The following PPEF1 variants were observed in gnomAD, a reference collection of about 807,000 sequenced individuals.
The protein encoded by PPEF1 is serine/threonine-protein phosphatase with EF-hands 1.
Under a neutral mutation model 53.3 loss-of-function variants are expected in PPEF1, and 12 were observed. The ratio of observed to expected loss-of-function variants is 0.23; its 90% CI spans 0.14 to 0.36. The LOEUF (loss-of-function observed/expected upper bound fraction) is 0.36. Ranked by LOEUF, PPEF1 falls within the 10% of genes least tolerant of loss-of-function variation. PPEF1 has a pLI of 1.00. For missense variants in PPEF1, 334 were observed against 490.4 expected (o/e 0.68, Z 3.01); for synonymous variants, 165 against 176.7 (o/e 0.93, Z 0.52).
In PPEF1 at chrX:18,784,055, A is replaced by G. The variant is rs1246328212; in HGVS notation, c.912+7A>G. The G allele has an allele frequency of 5.1e-6, 6 of 1,177,404 alleles. No homozygotes were observed. The African/African-American group carries it at 7.1e-5, about 14-fold the overall frequency. ...CCGTGTAGAGAGGAACAAGGTAAGA[A>G]GTAATGTTGGCATGAATCTTCTCTC... On this transcript the variant is annotated splice_region_variant and intron_variant, in intron 9 of 15. Coordinates refer to ENST00000470157, the MANE Select transcript of PPEF1 (RefSeq NM_001377996.1).
intron 9 of PPEF1, among the ~76,000 whole-genome samples, chrX:18,787,104 A>G (rs1397601088): frequency 1.8e-5 from 2 of 112,213 alleles, no homozygotes; most frequent in African/African-American, 6.5e-5. Flanking sequence ...ATTAAATATC[A>G]TTGAACTGTA....
chrX:18,780,426 A>G (rs773146717), intron 7 of PPEF1, among the ~76,000 whole-genome samples: 3 of 112,652 alleles, frequency 2.7e-5, no homozygotes, highest in East Asian at 5.6e-4. Flanking sequence ...GGACAGGAGC[A>G]TAGACTGAGG....
chrX:18,807,760 A>G (rs2046703923), intron 12 of PPEF1, among the ~76,000 whole-genome samples: 1 of 110,355 alleles, frequency 9.1e-6, no homozygotes, highest in Admixed American at 9.7e-5. Flanking sequence ...ACTGGGTTCA[A>G]GTGATTCTCC....
intron 10 of PPEF1, among the ~76,000 whole-genome samples, chrX:18,793,795 CTTG>C (rs1448569996): frequency 9.3e-6 from 1 of 107,069 alleles, no homozygotes; most frequent in African/African-American, 3.4e-5. Flanking sequence ...CCCTCTGGGG[CTTG>C]TTGTTATTTG....
chrX:18,749,045 C>G (rs1569255532), intron 3 of PPEF1, among the ~76,000 whole-genome samples: 1 of 111,792 alleles, frequency 8.9e-6, no homozygotes, highest in South Asian at 3.8e-4. Flanking sequence ...TCGTCTTTCT[C>G]TGTCTGAATT....
intron 3 of PPEF1, among the ~76,000 whole-genome samples, chrX:18,747,552 C>T (rs2045356009): frequency 8.9e-6 from 1 of 112,455 alleles, no homozygotes; most frequent in Admixed American, 9.4e-5. Context: ...TCACACCTCA[C>T]TGCAGCCTTG....
chrX:18,782,269 T>C, intron 7 of PPEF1, 97 bp from the exon 8 acceptor site: 1 of 677,115 alleles, frequency 1.5e-6, no homozygotes, highest in Non-Finnish European at 2.3e-6. Context: ...TGAGTTCTTG[T>C]GATAGATACT....
intron 5 of PPEF1, among the ~76,000 whole-genome samples, chrX:18,698,421 G>T (rs1929853678): frequency 8.9e-6 from 1 of 111,759 alleles, no homozygotes; most frequent in South Asian, 3.7e-4. Context: ...TTTTTTCCCT[G>T]CTTTCCTTTC....
chrX:18,755,834 C>G (rs2045538459), intron 4 of PPEF1, among the ~76,000 whole-genome samples: 1 of 111,265 alleles, frequency 9.0e-6, no homozygotes, highest in Non-Finnish European at 1.9e-5. Flanking sequence ...GCGTCTGTTG[C>G]TTGGCATGTT....
intron 10 of PPEF1, among the ~76,000 whole-genome samples, chrX:18,797,666 T>C (rs908363063): frequency 1.8e-5 from 2 of 110,891 alleles, no homozygotes; most frequent in African/African-American, 3.3e-5. Context: ...CAGTAATGAG[T>C]AAATGATATG....
intron 4 of PPEF1, among the ~76,000 whole-genome samples, chrX:18,754,010 T>C (rs929242061): frequency 9.3e-6 from 1 of 107,353 alleles, no homozygotes; most frequent in Admixed American, 1.0e-4. Context: ...TTGTGTTAAG[T>C]TAGTGTTTTG....
At chrX:18,751,502 G>A (rs772698433) in intron 4 of PPEF1, among the ~76,000 whole-genome samples, 5 of 112,096 alleles carry the variant, frequency 4.5e-5, no homozygotes, top group African/African-American at 1.6e-4. Context: ...AGGCCAGGCC[G>A]GGCACAGTGG....
At chrX:18,740,208 T>C (rs2045114805) in intron 3 of PPEF1, among the ~76,000 whole-genome samples, 1 of 112,326 alleles carries the variant, frequency 8.9e-6, no homozygotes, top group Admixed American at 9.4e-5. Flanking sequence ...GTCTTCTGCG[T>C]CGCTGACGCT....
At chrX:18,730,352 C>G (rs371822471) in intron 2 of PPEF1, 44 bp downstream of exon 2, 1 of 1,171,674 alleles carries the variant, frequency 8.5e-7, no homozygotes, top group African/African-American at 1.8e-5. Context: ...AAATGATTCT[C>G]TTTACCCCTT....
chrX:18,804,858 A>G (rs2046626801), intron 11 of PPEF1, among the ~76,000 whole-genome samples: 1 of 112,259 alleles, frequency 8.9e-6, no homozygotes, highest in Non-Finnish European at 1.9e-5. Flanking sequence ...TAGTCAGTTT[A>G]GCTGCAGCCA....
chrX:18,818,636 T>C (rs2046968774), intron 13 of PPEF1, among the ~76,000 whole-genome samples: 1 of 112,129 alleles, frequency 8.9e-6, no homozygotes, highest in South Asian at 3.7e-4. Context: ...TCCAAAGTGC[T>C]GGGATTACAG....
At chrX:18,822,675 AT>A (rs1294544587) in intron 13 of PPEF1, among the ~76,000 whole-genome samples, 1 of 110,493 alleles carries the variant, frequency 9.1e-6, no homozygotes, top group African/African-American at 3.3e-5. Flanking sequence ...TGCCTGGCTA[AT>A]TTTTTGTATT....
chrX:18,809,236 T>C (rs1239787008), intron 12 of PPEF1, among the ~76,000 whole-genome samples: 3 of 109,699 alleles, frequency 2.7e-5, no homozygotes, highest in African/African-American at 1.0e-4. Flanking sequence ...AATAGCATGG[T>C]ATTTGCATAA....
At chrX:18,694,316 C>T (rs1228389208) in intron 4 of PPEF1, among the ~76,000 whole-genome samples, 4 of 111,425 alleles carry the variant, frequency 3.6e-5, no homozygotes, top group African/African-American at 6.5e-5. Flanking sequence ...GGATTGCTGT[C>T]GTATGGTAAG....
Sources: gnomAD v4.1 joint callset for allele counts (sites outside exome capture counted in the v4.1 genomes callset) on GRCh38, gnomAD v4.1.1 for gene constraint, MANE v1.5 for transcripts, NCBI Gene and HGNC (gene_info 2026-07-23, HGNC 2026-07-21) for gene names.